The following EDIL3 variants were observed in gnomAD, a reference collection of about 807,000 sequenced individuals.
EDIL3 encodes the protein EGF like and discoidin domains 3, also known as EGF-like repeat and discoidin I-like domain-containing protein 3.
A neutral mutation model predicts 67.4 loss-of-function variants in EDIL3; 37 were observed. The observed-to-expected ratio is 0.55, with a 90% CI of 0.42 to 0.72. EDIL3 has a LOEUF of 0.72. Among genes scored for constraint, EDIL3 ranks in the 30% least tolerant of loss-of-function variants. EDIL3 has a pLI of 0.00. For synonymous variants in EDIL3, 195 were observed against 196.3 expected (o/e 0.99, Z 0.05); for missense variants, 527 against 586.3 (o/e 0.90, Z 1.04).
At chr5:84,364,634 C>T (rs1354973119) in intron 1 of EDIL3, among the ~76,000 whole-genome samples, 1 of 151,968 alleles carries the variant, frequency 6.6e-6, no homozygotes, top group African/African-American at 2.4e-5. Flanking sequence ...TACAATTGTT[C>T]TTTTATGGGG....
intron 1 of EDIL3, among the ~76,000 whole-genome samples, chr5:84,275,795 G>A (rs1239481765): frequency 2.0e-5 from 3 of 152,200 alleles, no homozygotes; most frequent in Admixed American, 1.3e-4. Context: ...AGTCCCTAGA[G>A]GGAGGAAGTG....
chr5:84,178,058 T>C (rs916679298), intron 4 of EDIL3, among the ~76,000 whole-genome samples: 2 of 152,216 alleles, frequency 1.3e-5, no homozygotes, highest in African/African-American at 4.8e-5. Flanking sequence ...CTCATTTTTA[T>C]TGATTTTCAG....
chr5:83,997,850 G>A (rs1745260821), intron 9 of EDIL3, among the ~76,000 whole-genome samples: 1 of 152,132 alleles, frequency 6.6e-6, no homozygotes, highest in Non-Finnish European at 1.5e-5. Flanking sequence ...GTGATTGTGG[G>A]ACTGTGCATT....
chr5:84,278,449 T>C (rs929105684), intron 1 of EDIL3, among the ~76,000 whole-genome samples: 7 of 152,172 alleles, frequency 4.6e-5, no homozygotes, highest in African/African-American at 1.2e-4. Context: ...TTCCTCAAAC[T>C]ACCACATTAT....
intron 9 of EDIL3, among the ~76,000 whole-genome samples, chr5:84,038,864 T>C (rs2112211215): frequency 6.6e-6 from 1 of 152,340 alleles, no homozygotes; most frequent in Non-Finnish European, 1.5e-5. Flanking sequence ...TAATCTCTAG[T>C]TTCTATGTTA....
intron 5 of EDIL3, among the ~76,000 whole-genome samples, chr5:84,116,191 C>CAA (rs71605896): frequency 0.35 from 40,147 of 116,020 alleles, 6,906 homozygotes; most frequent in Middle Eastern, 0.47. Context: ...TTCCAGAGGT[C>CAA]AAAAAAAAAA....
intron 1 of EDIL3, among the ~76,000 whole-genome samples, chr5:84,281,787 T>G (rs1243198719): frequency 6.6e-6 from 1 of 151,554 alleles, no homozygotes; most frequent in African/African-American, 2.4e-5. Flanking sequence ...GTATGAAGAA[T>G]AGTATAATGA....
chr5:84,317,971 G>A (rs550239243), intron 1 of EDIL3, among the ~76,000 whole-genome samples: 3 of 152,082 alleles, frequency 2.0e-5, no homozygotes, highest in Admixed American at 6.6e-5. Context: ...AAAGTCTCAG[G>A]ATAAAAAATC....
At chr5:84,208,136 G>A (rs1397321132) in intron 3 of EDIL3, among the ~76,000 whole-genome samples, 33 of 152,070 alleles carry the variant, frequency 2.2e-4, no homozygotes, top group Admixed American at 1.4e-3. Context: ...GAAAATTTTC[G>A]CAACCTACTC....
intron 3 of EDIL3, among the ~76,000 whole-genome samples, chr5:84,196,556 G>A (rs1466949695): frequency 6.6e-6 from 1 of 151,884 alleles, no homozygotes; most frequent in Non-Finnish European, 1.5e-5. Flanking sequence ...TGTTGTTATT[G>A]TCCCTCTCCC....
intron 9 of EDIL3, among the ~76,000 whole-genome samples, chr5:84,018,871 C>T (rs1034882963): frequency 9.9e-5 from 15 of 151,980 alleles, no homozygotes; most frequent in Admixed American, 6.6e-5. Flanking sequence ...GTTAGAATGG[C>T]GATCATTAAA....
At chr5:84,150,738 CAT>C (rs1748374971) in intron 4 of EDIL3, among the ~76,000 whole-genome samples, 2 of 152,238 alleles carry the variant, frequency 1.3e-5, no homozygotes, top group African/African-American at 2.4e-5. Flanking sequence ...TACTTAAACA[CAT>C]GTCTACCATA....
At chr5:83,957,135 T>C (rs1308707175) in intron 10 of EDIL3, among the ~76,000 whole-genome samples, 3 of 151,716 alleles carry the variant, frequency 2.0e-5, no homozygotes, top group Non-Finnish European at 4.4e-5. Context: ...CTTCTCTGCC[T>C]TATTTGAAAA....
At chr5:84,028,570 TAC>T (rs1745859201) in intron 9 of EDIL3, among the ~76,000 whole-genome samples, 1 of 151,966 alleles carries the variant, frequency 6.6e-6, no homozygotes, top group African/African-American at 2.4e-5. Flanking sequence ...TATACACACA[TAC>T]ACACAGACAC....
intron 3 of EDIL3, among the ~76,000 whole-genome samples, chr5:84,205,413 T>C (rs1743950499): frequency 1.3e-5 from 2 of 152,156 alleles, no homozygotes; most frequent in Admixed American, 1.3e-4. Context: ...GATGTGTCAT[T>C]GTGAAAGACT....
chr5:84,076,823 T>A (rs745718843), intron 6 of EDIL3, among the ~76,000 whole-genome samples: 18 of 152,202 alleles, frequency 1.2e-4, no homozygotes, highest in Non-Finnish European at 2.6e-4. Flanking sequence ...TAACTATAGT[T>A]GGTCTGTCAG....
At chr5:84,114,928 A>G (rs57012100) in intron 5 of EDIL3, among the ~76,000 whole-genome samples, 60 of 152,310 alleles carry the variant, frequency 3.9e-4, no homozygotes, top group African/African-American at 1.4e-3. Context: ...TCCCTCTGAG[A>G]CAATATGCTT....
intron 9 of EDIL3, among the ~76,000 whole-genome samples, chr5:84,043,564 T>C (rs1275282542): frequency 2.0e-5 from 3 of 152,190 alleles, no homozygotes; most frequent in Admixed American, 2.0e-4. Context: ...AACCACATTC[T>C]ATGTGATGTC....
intron 3 of EDIL3, among the ~76,000 whole-genome samples, chr5:84,205,801 C>A (rs1237335354): frequency 1.3e-5 from 2 of 151,810 alleles, no homozygotes; most frequent in Non-Finnish European, 2.9e-5. Context: ...ATTCTTCTCT[C>A]TTTTTTTCTT....
Sources: allele counts gnomAD v4.1 joint callset (sites outside exome capture counted in the v4.1 genomes callset), GRCh38; gene constraint gnomAD v4.1.1; transcripts MANE v1.5; gene names NCBI Gene and HGNC (gene_info 2026-07-23, HGNC 2026-07-21).